MAGI2: variants seen among roughly 807,000 people sequenced by gnomAD.
MAGI2 encodes membrane-associated guanylate kinase, WW and PDZ domain-containing protein 2.
Under a neutral mutation model 133.3 loss-of-function variants are expected in MAGI2, and 35 were observed. The ratio of observed to expected loss-of-function variants is 0.26; its 90% CI spans 0.20 to 0.35. The LOEUF (loss-of-function observed/expected upper bound fraction) is 0.35. Among genes scored for constraint, MAGI2 ranks in the 10% least tolerant of loss-of-function variants. The pLI is 1.00. For synonymous variants in MAGI2, 729 were observed against 710.6 expected, an observed-to-expected ratio of 1.03 and a Z score of -0.41; for missense variants, 1,636 against 1,863.4, an observed-to-expected ratio of 0.88 and a Z score of 2.25.
chr7:78,385,550 T>A (rs1185813978), intron 6 of MAGI2, among the ~76,000 whole-genome samples: 2 of 152,188 alleles, frequency 1.3e-5, no homozygotes, highest in African/African-American at 4.8e-5. Context: ...TTATTAAAAT[T>A]TAATGAAAGT....
intron 2 of MAGI2, among the ~76,000 whole-genome samples, chr7:78,919,995 T>A (rs1397269872): frequency 2.0e-5 from 3 of 152,138 alleles, no homozygotes; most frequent in Non-Finnish European, 4.4e-5. Context: ...ATCTCTACTA[T>A]TTTTGGTACT....
At chr7:78,260,377 C>T (rs574210588) in intron 9 of MAGI2, among the ~76,000 whole-genome samples, 1 of 152,224 alleles carries the variant, frequency 6.6e-6, no homozygotes, top group African/African-American at 2.4e-5. Flanking sequence ...GGAAGACTGG[C>T]TCTGGCTCTA....
chr7:78,787,051 G>A lies in MAGI2; in HGVS notation c.419-159812C>T, dbSNP rs567741029. ...TGCAACCTCCGACTCTGGTTTAAGC[G>A]ATTTTCCTGCCTCAGCCTCCCGAGT... is the stretch of plus-strand genomic sequence containing the variant. On this transcript the variant is annotated intron_variant, in intron 2 of 21. Coordinates refer to ENST00000354212, the MANE Select transcript of MAGI2 (RefSeq NM_012301.4). 2.3e-4 allele frequency among the ~76,000 whole-genome samples: 35 copies of A among 151,968 alleles called. 1 individual carries two copies. The South Asian group carries it at 6.6e-3, about 29-fold the overall frequency.
intron 14 of MAGI2, among the ~76,000 whole-genome samples, chr7:78,168,691 G>C (rs1417764765): frequency 6.6e-6 from 1 of 152,202 alleles, no homozygotes; most frequent in African/African-American, 2.4e-5. Context: ...GGGAGAATTG[G>C]ATGAAATAAC....
At chr7:79,223,455 T>C (rs1288686022) in intron 1 of MAGI2, among the ~76,000 whole-genome samples, 1 of 151,912 alleles carries the variant, frequency 6.6e-6, no homozygotes, top group African/African-American at 2.4e-5. Context: ...AGAAATACTC[T>C]AGAGACATTT....
chr7:78,550,996 T>C (rs1242853444), intron 3 of MAGI2, among the ~76,000 whole-genome samples: 1 of 152,178 alleles, frequency 6.6e-6, no homozygotes, highest in Non-Finnish European at 1.5e-5. Flanking sequence ...CAGACTGAAA[T>C]AGGGGAATAA....
At position 78,590,847 on chromosome 7, in the gene MAGI2, C is replaced by T. The variant is rs183209319; in HGVS notation, c.538+36273G>A. 3.8e-3 allele frequency among the ~76,000 whole-genome samples: 577 copies of T among 152,268 alleles called. 4 individuals carry two copies. Among genetic ancestry groups the T allele is most frequent in the African/African-American group, 0.013 (546 of 41,546 alleles). On this transcript the variant is annotated intron_variant, in intron 3 of 21. Transcript: ENST00000354212. The stretch of plus-strand genomic sequence containing the variant: ...TGCCCTATTGGAGCAATGTAATTTA[C>T]TTTCCTTTCCCTAAAGTAGTTCCAA...
rs1188850656 is a variant in MAGI2 at position 78,848,800 on chromosome 7, C to T, written c.418+158290G>A. 1.1e-4 allele frequency among the ~76,000 whole-genome samples: 17 copies of T among 152,008 alleles called. 1 individual carries two copies. Among genetic ancestry groups the T allele is most frequent in the Admixed American group, 1.1e-3 (17 of 15,232 alleles). Reference sequence around the variant, plus strand: ...AATATATCATCCTAGAAGTCTTCCTCACCACCTATGTAATGTCATCATCCA... The same window carrying T: ...AATATATCATCCTAGAAGTCTTCCTTACCACCTATGTAATGTCATCATCCA... On this transcript the variant is annotated intron_variant, in intron 2 of 21. Transcript: ENST00000354212.
At chr7:78,632,774 G>A (rs1809156289) in intron 2 of MAGI2, among the ~76,000 whole-genome samples, 2 of 151,764 alleles carry the variant, frequency 1.3e-5, no homozygotes, top group South Asian at 4.1e-4. Flanking sequence ...TGGGAAAAGG[G>A]AACACTTACA....
At chr7:79,428,340 C>G (rs1027210577) in intron 1 of MAGI2, among the ~76,000 whole-genome samples, 2 of 152,076 alleles carry the variant, frequency 1.3e-5, no homozygotes, top group Non-Finnish European at 2.9e-5. Flanking sequence ...ATTTGCATAT[C>G]TTTAGAGACA....
At chr7:78,202,880 G>A (rs1290930901) in intron 10 of MAGI2, among the ~76,000 whole-genome samples, 1 of 152,022 alleles carries the variant, frequency 6.6e-6, no homozygotes, top group Non-Finnish European at 1.5e-5. Flanking sequence ...TCTGTTCAAT[G>A]TGTGGTTCAT....
intron 21 of MAGI2, among the ~76,000 whole-genome samples, chr7:78,066,190 G>A (rs11505873): frequency 0.14 from 21,222 of 152,044 alleles, 2,997 homozygotes; most frequent in African/African-American, 0.36. Context: ...GGTCAGGCAC[G>A]GTGGCTCATG....
At chr7:79,428,881 T>G (rs1187571998) in intron 1 of MAGI2, among the ~76,000 whole-genome samples, 1 of 152,178 alleles carries the variant, frequency 6.6e-6, no homozygotes, top group African/African-American at 2.4e-5. Flanking sequence ...ACAAAAACAT[T>G]TATCTGTCTG....
chr7:78,953,414 A>G (rs1163725802), intron 2 of MAGI2, among the ~76,000 whole-genome samples: 1 of 152,110 alleles, frequency 6.6e-6, no homozygotes, highest in East Asian at 1.9e-4. Flanking sequence ...ATGGAAATAA[A>G]GTTTCTGTGT....
chr7:79,059,693 A>G (rs1813527234), intron 1 of MAGI2, among the ~76,000 whole-genome samples: 1 of 152,138 alleles, frequency 6.6e-6, no homozygotes. Context: ...AAGGTAGCAT[A>G]TATTTAAACT....
chr7:78,162,511 C>A (rs142889442), intron 15 of MAGI2, among the ~76,000 whole-genome samples: 2,571 of 135,684 alleles, frequency 0.019, 63 homozygotes, highest in African/African-American at 0.067. Flanking sequence ...GGCGACAGAG[C>A]GAGACTCTGC....
At chr7:78,252,383 A>G (rs1209375695) in intron 10 of MAGI2, 2 of 151,430 alleles carry the variant, frequency 1.3e-5, no homozygotes, top group African/African-American at 4.9e-5. Context: ...ATGCTAATTC[A>G]TTTTTGACAA....
intron 2 of MAGI2, among the ~76,000 whole-genome samples, chr7:78,707,702 AT>A (rs1422018706): frequency 6.6e-6 from 1 of 152,108 alleles, no homozygotes; most frequent in Non-Finnish European, 1.5e-5. Flanking sequence ...AGAGTTTCCT[AT>A]TTGAATTTCC....
intron 2 of MAGI2, among the ~76,000 whole-genome samples, chr7:78,959,352 C>T (rs992744242): frequency 1.3e-5 from 2 of 151,828 alleles, no homozygotes; most frequent in Non-Finnish European, 2.9e-5. Context: ...AAACCTATAC[C>T]ATTATTTTTC....
Sources: allele counts gnomAD v4.1 joint callset (sites outside exome capture counted in the v4.1 genomes callset), GRCh38; gene constraint gnomAD v4.1.1; transcripts MANE v1.5; gene names NCBI Gene and HGNC (gene_info 2026-07-23, HGNC 2026-07-21).